ZNF223: variants seen among roughly 807,000 people sequenced by gnomAD.
ZNF223 encodes the protein Homo sapiens zinc finger protein 223.
In ZNF223, 9 loss-of-function variants were observed where a neutral mutation model predicts 12.3. That is an observed-to-expected ratio of 0.73 (90% confidence interval 0.44 to 1.28). The LOEUF (loss-of-function observed/expected upper bound fraction) is 1.28. ZNF223 is among the 50% of genes most tolerant of loss of function. ZNF223 has a pLI of 0.00. For synonymous variants in ZNF223, 171 were observed against 195.2 expected (o/e 0.88, Z 1.03); for missense variants, 506 against 579.0 (o/e 0.87, Z 1.29).
At chr19:44,056,297 C>G (rs111647745) in intron 2 of ZNF223, among the ~76,000 whole-genome samples, 4,023 of 144,226 alleles carry the variant, frequency 0.028, 155 homozygotes, top group African/African-American at 0.09. Flanking sequence ...GCAGGTGGAT[C>G]ACTAGGTCAG....
In ZNF223 at chr19:44,066,610, A is replaced by AT. The variant is rs745400079; in HGVS notation, c.784dup (p.Cys262LeufsTer2). On this transcript the variant is annotated frameshift_variant, in exon 5 of 5. Coordinates refer to ENST00000434772, the MANE Select transcript of ZNF223 (RefSeq NM_013361.6). LOFTEE classifies it low-confidence loss of function (END_TRUNC). The stretch of plus-strand genomic sequence containing the variant: ...TTACACATGGGAGAGAAACATTATA[A>AT]TTGTGAGGCATGTGGGAGGGCCTTC... The AT allele has an allele frequency of 4.5e-5, 73 of 1,614,218 alleles. No homozygotes were observed. The African/African-American group carries it at 7.1e-4, about 16-fold the overall frequency.
intron 4 of ZNF223, among the ~76,000 whole-genome samples, chr19:44,065,039 T>C (rs995343509): frequency 9.8e-5 from 15 of 152,336 alleles, no homozygotes; most frequent in Non-Finnish European, 2.2e-4. Flanking sequence ...AATCACATCG[T>C]TATTTTTTCT....
At chr19:44,052,617 C>G (rs1976716314) in intron 1 of ZNF223, among the ~76,000 whole-genome samples, 2 of 151,820 alleles carry the variant, frequency 1.3e-5, no homozygotes, top group South Asian at 4.2e-4. Flanking sequence ...TCTCATATAC[C>G]CTTTACCCAA....
intron 2 of ZNF223, among the ~76,000 whole-genome samples, chr19:44,056,149 A>G (rs1414436945): frequency 6.6e-6 from 1 of 151,980 alleles, no homozygotes; most frequent in Non-Finnish European, 1.5e-5. Flanking sequence ...CATTGTTCCA[A>G]GTACCCAAGG....
chr19:44,059,634 G>A (rs937683168), intron 2 of ZNF223, among the ~76,000 whole-genome samples: 4 of 152,204 alleles, frequency 2.6e-5, no homozygotes, highest in Non-Finnish European at 5.9e-5. Flanking sequence ...GTTGGATAGT[G>A]GGTGGGCTGA....
At chr19:44,062,384 A>G (rs1271983235) in intron 4 of ZNF223, among the ~76,000 whole-genome samples, 2 of 152,354 alleles carry the variant, frequency 1.3e-5, no homozygotes, top group African/African-American at 4.8e-5. Flanking sequence ...CAAGGATTCA[A>G]CATAGGACTC....
rs761626180 is a variant in ZNF223 at position 44,066,640 on chromosome 19, A to G, written c.812A>G (p.His271Arg). The G allele has an allele frequency of 6.2e-7, 1 of 1,614,210 alleles. No homozygotes were observed. Among genetic ancestry groups the G allele is most frequent in the Non-Finnish European group, 8.5e-7 (1 of 1,180,038 alleles). Residue 271 changes from histidine (H) to arginine (R), a missense_variant, in exon 5 of 5, where the codon CAT becomes CGT. By Grantham distance (29) the His-to-Arg change is conservative (BLOSUM62 0). Transcript: ENST00000434772. ...GAGGCATGTGGGAGGGCCTTCATTC[A>G]TGATTTCCAGCTTCAGAAACATCAG... ...NCEACGRAFI[H>R]DFQLQKHQRI...
intron 4 of ZNF223, among the ~76,000 whole-genome samples, chr19:44,065,442 A>G (rs1976894717): frequency 6.6e-6 from 1 of 152,194 alleles, no homozygotes; most frequent in Non-Finnish European, 1.5e-5. Context: ...TTTATCATGT[A>G]AAATTTCAGA....
chr19:44,063,134 TCTTA>T (rs1461305765), intron 4 of ZNF223: 1 of 152,188 alleles, frequency 6.6e-6, no homozygotes, highest in Non-Finnish European at 1.5e-5. Context: ...CTTAAAGACC[TCTTA>T]TTTATAAGTC....
At chr19:44,057,505 A>T (rs1385068207) in intron 2 of ZNF223, among the ~76,000 whole-genome samples, 1 of 152,216 alleles carries the variant, frequency 6.6e-6, no homozygotes, top group Admixed American at 6.5e-5. Context: ...TAATAACAGT[A>T]ATAAGTAATA....
chr19:44,055,238 T>G (rs749368745), intron 2 of ZNF223, 47 bp downstream of exon 2: 2 of 1,604,978 alleles, frequency 1.2e-6, no homozygotes, highest in Non-Finnish European at 8.5e-7. Context: ...ATCTCACTAC[T>G]CAGATTGTTG....
Position 44,066,540 on chromosome 19 carries a change from G to C in ZNF223, c.712G>C (p.Gly238Arg). ...GEKPFKCEQCGRGFRCRSALT... is the reference protein window; with the variant it reads ...GEKPFKCEQCRRGFRCRSALT... ...GAAACCTTTCAAATGTGAACAATGT[G>C]GGAGAGGCTTCAGATGTAGATCAGC... The change falls in exon 5 of 5, where the codon GGG becomes CGG. Residue 238 changes from glycine to arginine, a missense_variant. Transcript: ENST00000434772. 1 of 1,614,160 alleles carries C rather than the reference G, an allele frequency of 6.2e-7. No individual in the cohort carries two copies. The highest frequency in any genetic ancestry group is 8.5e-7 in the Non-Finnish European group (1 of 1,180,018).
At chr19:44,060,262 T>C in intron 2 of ZNF223, 193 bp from the exon 3 acceptor site, 1 of 981,788 alleles carries the variant, frequency 1.0e-6, no homozygotes, top group Non-Finnish European at 1.5e-6. Flanking sequence ...GTTGGACTTC[T>C]GATGACGCTT....
At chr19:44,065,938 A>C in intron 4 of ZNF223, 126 bp from the exon 5 acceptor site, 2 of 1,444,356 alleles carry the variant, frequency 1.4e-6, no homozygotes, top group Non-Finnish European at 1.8e-6. Flanking sequence ...ACCAGAAACC[A>C]GGGTGCACTT....
chr19:44,053,943 T>G (rs773418127), intron 1 of ZNF223, among the ~76,000 whole-genome samples: 8 of 152,206 alleles, frequency 5.3e-5, no homozygotes, highest in Non-Finnish European at 1.2e-4. Context: ...ATACAACACA[T>G]GTTTCTGCGA....
At chr19:44,058,306 A>G (rs1976795036) in intron 2 of ZNF223, among the ~76,000 whole-genome samples, 1 of 151,798 alleles carries the variant, frequency 6.6e-6, no homozygotes, top group South Asian at 2.1e-4. Flanking sequence ...GGTCCATTTC[A>G]TATGTCCATC....
chr19:44,066,137 C>A lies in ZNF223; in HGVS notation c.309C>A (p.Ile103=), dbSNP rs893985675. 6.2e-7 allele frequency: 1 copy of A among 1,613,948 alleles called. No individual in the cohort carries two copies. The highest frequency in any genetic ancestry group is 8.5e-7 in the Non-Finnish European group (1 of 1,179,986). Residue 103 remains isoleucine (I), a synonymous_variant, in exon 5 of 5, where the codon ATC becomes ATA. Coordinates refer to ENST00000434772, the MANE Select transcript of ZNF223 (RefSeq NM_013361.6). ...ATGAAGGGTGGTCCTGCCAGCAGAT[C>A]TGGGAAGAAATTGCAAGTGATTTAA... ...GPHEGWSCQQ[I]WEEIASDLTR... is the part of the protein sequence containing the mutation.
chr19:44,056,361 C>CAAAAAA (rs1227362311), intron 2 of ZNF223, among the ~76,000 whole-genome samples: 1 of 78,848 alleles, frequency 1.3e-5, no homozygotes, highest in South Asian at 6.1e-4. Context: ...ACTAAAAATA[C>CAAAAAA]AAAAAAAAAA....
chr19:44,061,671 A>G (rs894304673), intron 4 of ZNF223, among the ~76,000 whole-genome samples: 1 of 152,198 alleles, frequency 6.6e-6, no homozygotes, highest in African/African-American at 2.4e-5. Flanking sequence ...TGCAGCCTTA[A>G]TCTGCCTTGC....
Sources: allele counts gnomAD v4.1 joint callset (sites outside exome capture counted in the v4.1 genomes callset), GRCh38; gene constraint gnomAD v4.1.1; transcripts MANE v1.5; gene names NCBI Gene and HGNC (gene_info 2026-07-23, HGNC 2026-07-21).